PCDHA5: variants seen among roughly 807,000 people sequenced by gnomAD.
PCDHA5 encodes protocadherin alpha-5.
A neutral mutation model predicts 61.6 loss-of-function variants in PCDHA5; 43 were observed. The observed-to-expected ratio is 0.70, with a 90% CI of 0.55 to 0.90. The LOEUF (loss-of-function observed/expected upper bound fraction) is 0.90. Among genes scored for constraint, PCDHA5 ranks in the 40% least tolerant of loss-of-function variants. The probability of loss-of-function intolerance (pLI) is 0.00; values close to 1 mark genes in which losing one functional copy is unlikely to be tolerated. For synonymous variants in PCDHA5, 627 were observed against 543.9 expected, an observed-to-expected ratio of 1.15 and a Z score of -2.13; for missense variants, 1,298 against 1,222.7, an observed-to-expected ratio of 1.06 and a Z score of -0.92.
In PCDHA5 at chr5:140,929,637, G is replaced by A. The variant is rs373869618; in HGVS notation, c.2353-49312G>A. ...CCAAAATATTTTATAAGCAACAGATGTGTAAGGCACTCTAATATTTAAAGT... is the reference window on the plus strand; with the variant it reads ...CCAAAATATTTTATAAGCAACAGATATGTAAGGCACTCTAATATTTAAAGT... On this transcript the variant is annotated intron_variant, in intron 1 of 3. Coordinates refer to ENST00000529859, the MANE Select transcript of PCDHA5 (RefSeq NM_018908.3). The A allele has an allele frequency of 1.4e-4, 52 of 378,290 alleles. No homozygotes were observed. The South Asian group carries it at 3.2e-3, about 23-fold the overall frequency. The allele number at this position is 378,290 out of a possible 1,614,324, so 23.4% of individuals were successfully genotyped here. A position where few individuals can be genotyped will look rare whatever the true frequency, so the allele number is the denominator to read the frequency against.
chr5:140,904,873 G>C (rs1309196167), intron 1 of PCDHA5, among the ~76,000 whole-genome samples: 1 of 151,932 alleles, frequency 6.6e-6, no homozygotes, highest in Non-Finnish European at 1.5e-5. Flanking sequence ...TATGTCCTTA[G>C]CTCACTTTTT....
chr5:140,898,462 CTTGT>C (rs2066755516), intron 1 of PCDHA5, among the ~76,000 whole-genome samples: 1 of 150,202 alleles, frequency 6.7e-6, no homozygotes, highest in South Asian at 2.1e-4. Flanking sequence ...TTCCCCATTG[CTTGT>C]TTTTCTCAGG....
At chr5:140,972,660 A>ATTTTTT (rs11350929) in intron 1 of PCDHA5, among the ~76,000 whole-genome samples, 2 of 117,268 alleles carry the variant, frequency 1.7e-5, no homozygotes, top group African/African-American at 3.3e-5. Context: ...AAGAAACCAA[A>ATTTTTT]TTTTTTTTTT....
At chr5:141,002,174 C>T (rs2098063920) in intron 3 of PCDHA5, among the ~76,000 whole-genome samples, 1 of 152,224 alleles carries the variant, frequency 6.6e-6, no homozygotes, top group Non-Finnish European at 1.5e-5. Context: ...AGGCAGGCTC[C>T]AGAGTGCTGT....
Position 140,853,770 on chromosome 5 carries a change from A to G in PCDHA5, c.2352+29643A>G. 3 of 988,146 alleles carry G rather than the reference A, an allele frequency of 3.0e-6. No homozygotes were observed. In the South Asian group the frequency reaches 1.4e-4, roughly 47 times the overall value. 61.2% of individuals were successfully genotyped at this position (988,146 alleles called of 1,614,324 possible). On this transcript the variant is annotated intron_variant, in intron 1 of 3. Coordinates refer to ENST00000529859, the MANE Select transcript of PCDHA5 (RefSeq NM_018908.3). ...CAAGGCTCCACCTCAGAAATTCTGA[A>G]ATGGGTAGTAAGAGCAAATTTTCAT...
intron 1 of PCDHA5, chr5:140,876,989 G>T (rs781957201): frequency 1.2e-6 from 2 of 1,612,664 alleles, no homozygotes; most frequent in South Asian, 1.1e-5. Context: ...GCACTGTCGA[G>T]CTACGTGTCG....
rs1234661148 is a variant in PCDHA5, at chr5:141,010,706, T to C, written c.*769T>C. 2 of 155,338 alleles carry C rather than the reference T, an allele frequency of 1.3e-5. No individual in the cohort carries two copies. Among genetic ancestry groups the C allele is most frequent in the African/African-American group, 4.8e-5 (2 of 41,492 alleles). The allele number at this position is 155,338 out of a possible 1,614,324, so 9.6% of individuals were successfully genotyped here. A position where few individuals can be genotyped will look rare whatever the true frequency, so the allele number is the denominator to read the frequency against. The stretch of plus-strand genomic sequence containing the variant: ...AGATCTGATGTGTTTCCTATACATG[T>C]CCTGTGCTCACTTTATTAAAAATTC... On this transcript the variant is annotated 3_prime_UTR_variant, in exon 4 of 4. Transcript: ENST00000529859.
intron 1 of PCDHA5, among the ~76,000 whole-genome samples, chr5:140,888,064 G>A (rs1353857736): frequency 6.6e-6 from 1 of 151,950 alleles, no homozygotes; most frequent in Non-Finnish European, 1.5e-5. Context: ...TAACTTTCTT[G>A]TCTGCTAATT....
chr5:140,988,009 A>C (rs1223658003), intron 3 of PCDHA5, among the ~76,000 whole-genome samples: 3 of 152,204 alleles, frequency 2.0e-5, no homozygotes, highest in Non-Finnish European at 4.4e-5. Context: ...CCCCAGAAAG[A>C]AAGCATGATT....
At chr5:140,841,791 C>A in intron 1 of PCDHA5, 1 of 1,613,854 alleles carries the variant, frequency 6.2e-7, no homozygotes, top group Non-Finnish European at 8.5e-7. Flanking sequence ...CTAGAGGGCG[C>A]GTCCGATGCA....
chr5:140,876,194 C>G (rs782432614), intron 1 of PCDHA5: 38 of 1,613,742 alleles, frequency 2.4e-5, no homozygotes, highest in Non-Finnish European at 2.9e-5. Context: ...AATGGTCCGG[C>G]GTTTGATAAG....
In PCDHA5 at chr5:140,936,292, T is replaced by C. The variant is rs74627153; in HGVS notation, c.2353-42657T>C. Among the ~76,000 whole-genome samples the C allele has an allele frequency of 4.3e-3, 649 of 152,348 alleles. 6 individuals are homozygous for C. Among genetic ancestry groups the C allele is most frequent in the African/African-American group, 0.013 (538 of 41,592 alleles). On this transcript the variant is annotated intron_variant, in intron 1 of 3. Transcript: ENST00000529859. Reference sequence around the variant, plus strand: ...TATTCCTGTGTTTTCTTCTATAACATTGCTATCCAATAGAACTTTCTGACA... The same window carrying C: ...TATTCCTGTGTTTTCTTCTATAACACTGCTATCCAATAGAACTTTCTGACA...
chr5:140,928,778 C>G (rs564618368), intron 1 of PCDHA5: 3 of 1,614,136 alleles, frequency 1.9e-6, no homozygotes, highest in East Asian at 4.5e-5. Context: ...CCCACTGATG[C>G]AGTTAAGCAG....
Position 141,011,779 on chromosome 5 carries a change from A to G in PCDHA5, c.*1842A>G, listed in dbSNP as rs1407523783. On this transcript the variant is annotated 3_prime_UTR_variant, in exon 4 of 4. Transcript: ENST00000529859. ...CTTTGAAGTTGCAGAATGCTTTGAAATTCTAATGGTATCTGAAATATCAGC... is the reference window on the plus strand; with the variant it reads ...CTTTGAAGTTGCAGAATGCTTTGAAGTTCTAATGGTATCTGAAATATCAGC... The G allele has an allele frequency of 6.5e-6, 1 of 153,778 alleles. No homozygotes were observed. Among genetic ancestry groups the G allele is most frequent in the East Asian group, 1.9e-4 (1 of 5,202 alleles). 9.5% of individuals were successfully genotyped at this position (153,778 alleles called of 1,614,324 possible).
At chr5:140,941,019 C>T (rs569905763) in intron 1 of PCDHA5, among the ~76,000 whole-genome samples, 4 of 152,142 alleles carry the variant, frequency 2.6e-5, no homozygotes, top group East Asian at 1.9e-4. Context: ...TCCTATTTTC[C>T]TTCTGGCCTT....
chr5:140,858,511 GTA>G (rs1554151718), intron 1 of PCDHA5: 1 of 1,433,712 alleles, frequency 7.0e-7, no homozygotes, highest in Admixed American at 2.0e-5. Flanking sequence ...TCTCAAATAT[GTA>G]TCAGAATATT....
rs782118774 is a variant in PCDHA5 at position 140,929,021 on chromosome 5, G to A, written c.2353-49928G>A. ...TTCGTGTGTACCAAGTTGCACCAGAGCCCAGGCTGTTGCGCTCAGAGCTGC... is the reference window on the plus strand; with the variant it reads ...TTCGTGTGTACCAAGTTGCACCAGAACCCAGGCTGTTGCGCTCAGAGCTGC... On this transcript the variant is annotated intron_variant, in intron 1 of 3. Coordinates refer to ENST00000529859, the MANE Select transcript of PCDHA5 (RefSeq NM_018908.3). 5 of 1,614,072 alleles carry A rather than the reference G, an allele frequency of 3.1e-6. No homozygotes were observed. In the African/African-American group the frequency reaches 6.7e-5, roughly 22 times the overall value.
At chr5:140,835,908 T>A in intron 1 of PCDHA5, 1 of 1,612,190 alleles carries the variant, frequency 6.2e-7, no homozygotes, top group Admixed American at 1.7e-5. Flanking sequence ...GAGCTACGTG[T>A]CAGTGCACGC....
At chr5:140,892,152 C>T (rs1364975733) in intron 1 of PCDHA5, among the ~76,000 whole-genome samples, 1 of 152,118 alleles carries the variant, frequency 6.6e-6, no homozygotes, top group African/African-American at 2.4e-5. Context: ...GCGTCTATTT[C>T]TGATATGTCC....
Sources: gnomAD v4.1 joint callset for allele counts (sites outside exome capture counted in the v4.1 genomes callset) on GRCh38, gnomAD v4.1.1 for gene constraint, MANE v1.5 for transcripts, NCBI Gene and HGNC (gene_info 2026-07-23, HGNC 2026-07-21) for gene names.